PDPK1: variants seen among roughly 807,000 people sequenced by gnomAD.
The protein encoded by PDPK1 is 3-phosphoinositide dependent protein kinase 1, also known as 3-phosphoinositide-dependent protein kinase 1.
A neutral mutation model predicts 39.8 loss-of-function variants in PDPK1; 7 were observed. That is an observed-to-expected ratio of 0.18 (90% CI 0.10 to 0.33). The LOEUF (loss-of-function observed/expected upper bound fraction) is 0.33. PDPK1 is among the 10% of genes least tolerant of loss of function. PDPK1 has a pLI of 1.00. For synonymous variants in PDPK1, 118 were observed against 159.1 expected, an observed-to-expected ratio of 0.74 and a Z score of 1.95; for missense variants, 182 against 384.7, an observed-to-expected ratio of 0.47 and a Z score of 4.41.
intron 1 of PDPK1, among the ~76,000 whole-genome samples, chr16:2,544,006 A>C (rs963148413): frequency 2.0e-5 from 3 of 149,926 alleles, no homozygotes; most frequent in African/African-American, 7.4e-5. Flanking sequence ...AAGTGGTGGG[A>C]TTACAGGCGT....
At chr16:2,551,519 C>T (rs1477874068) in intron 1 of PDPK1, among the ~76,000 whole-genome samples, 3 of 151,030 alleles carry the variant, frequency 2.0e-5, no homozygotes. Context: ...CTCTACCTGT[C>T]GCACTGCATT....
intron 1 of PDPK1, among the ~76,000 whole-genome samples, chr16:2,556,300 T>C (rs2141958514): frequency 6.7e-6 from 1 of 149,334 alleles, no homozygotes; most frequent in South Asian, 2.1e-4. Flanking sequence ...TTGCCCAGGC[T>C]GGTCTTGAAC....
rs1215760620 is a variant in PDPK1, at chr16:2,538,106, G to A, written c.-7G>A. ...GCGGGGGAGGCGCCCGCGCCGACGC[G>A]GGGCCCATGGCCAGGACCACCAGCC... is the stretch of plus-strand genomic sequence containing the variant. On this transcript the variant is annotated 5_prime_UTR_variant, in exon 1 of 14. Coordinates refer to ENST00000342085, the MANE Select transcript of PDPK1 (RefSeq NM_002613.5). The A allele has an allele frequency of 7.5e-6, 8 of 1,062,310 alleles. No individual in the cohort carries two copies. Among genetic ancestry groups the A allele is most frequent in the South Asian group, 4.4e-5 (1 of 22,804 alleles). 65.8% of individuals were successfully genotyped at this position (1,062,310 alleles called of 1,614,324 possible).
Position 2,602,523 on chromosome 16 carries a change from A to G in PDPK1, c.*4756A>G. ...AGGCAGACCTTTTTTAAGCTGTGTA[A>G]CCCACATAGCCTAACCACCTGGCAG... On this transcript the variant is annotated 3_prime_UTR_variant, in exon 14 of 14. Transcript: ENST00000342085. The G allele has an allele frequency of 4.3e-6, 1 of 234,900 alleles. No homozygotes were observed. Among genetic ancestry groups the G allele is most frequent in the Non-Finnish European group, 8.5e-6 (1 of 118,086 alleles). The allele number at this position is 234,900 out of a possible 1,614,324, so 14.6% of individuals were successfully genotyped here.
intron 1 of PDPK1, among the ~76,000 whole-genome samples, chr16:2,550,341 C>T (rs1479095174): frequency 1.4e-4 from 15 of 108,970 alleles, no homozygotes; most frequent in Non-Finnish European, 1.8e-4. Context: ...TAAACTCACA[C>T]GTGCCCACCA....
chr16:2,538,622 C>G, intron 1 of PDPK1: 2 of 1,289,036 alleles, frequency 1.6e-6, no homozygotes, highest in Non-Finnish European at 2.0e-6. Context: ...TTTCCAGATT[C>G]TTGATGACAG....
In PDPK1 at chr16:2,538,045, GGAGGACGCT is replaced by G. The variant is rs2141927080; in HGVS notation, c.-62_-54del. On this transcript the variant is annotated 5_prime_UTR_variant, in exon 1 of 14. Transcript: ENST00000342085. Reference sequence around the variant, plus strand: ...CATTGCTGGGGCTCCGCTTCGGGGAGGAGGACGCTGAGGAGGCGCCGAGCCGCGCAGCGC... The same window carrying G: ...CATTGCTGGGGCTCCGCTTCGGGGAGGAGGAGGCGCCGAGCCGCGCAGCGC... 1.3e-6 allele frequency: 1 copy of G among 758,656 alleles called. No homozygotes were observed. Among genetic ancestry groups the G allele is most frequent in the East Asian group, 8.2e-5 (1 of 12,254 alleles). 47.0% of individuals were successfully genotyped at this position (758,656 alleles called of 1,614,324 possible). A position where few individuals can be genotyped will look rare whatever the true frequency, so the allele number is the denominator to read the frequency against.
intron 10 of PDPK1, among the ~76,000 whole-genome samples, chr16:2,585,290 C>T (rs551629194): frequency 6.6e-6 from 1 of 152,358 alleles, no homozygotes; most frequent in South Asian, 2.1e-4. Context: ...CCATCCTTAG[C>T]TCTGCACAGC....
rs1461355343 is a variant in PDPK1 at position 2,598,042 on chromosome 16, C to G, written c.*275C>G. On this transcript the variant is annotated 3_prime_UTR_variant, in exon 14 of 14. Transcript: ENST00000342085. ...CGTGTGCCCTCGTTGCCGTGGGGAC[C>G]CAGCTCCATGCACGTCAACCCAGTC... The G allele has an allele frequency of 4.0e-6, 2 of 500,660 alleles. No homozygotes were observed. The highest frequency in any genetic ancestry group is 3.4e-5 in the East Asian group (1 of 29,274). The allele number at this position is 500,660 out of a possible 1,614,324, so 31.0% of individuals were successfully genotyped here.
At position 2,601,878 on chromosome 16, in the gene PDPK1, G is replaced by A. The variant is rs2067224004; in HGVS notation, c.*4111G>A. On this transcript the variant is annotated 3_prime_UTR_variant, in exon 14 of 14. Coordinates refer to ENST00000342085, the MANE Select transcript of PDPK1 (RefSeq NM_002613.5). The stretch of plus-strand genomic sequence containing the variant: ...AGCAAGTCCAGACCACCCAAATTTG[G>A]TTGGATTCTTCATTTCTCCACTGTA... The A allele has an allele frequency of 4.3e-6, 1 of 232,106 alleles. No homozygotes were observed. Among genetic ancestry groups the A allele is most frequent in the Non-Finnish European group, 8.6e-6 (1 of 116,606 alleles). The allele number at this position is 232,106 out of a possible 1,614,324, so 14.4% of individuals were successfully genotyped here. A position where few individuals can be genotyped will look rare whatever the true frequency, so the allele number is the denominator to read the frequency against.
At chr16:2,586,559 G>T in intron 10 of PDPK1, 117 bp from the exon 11 acceptor site, 1 of 813,062 alleles carries the variant, frequency 1.2e-6, no homozygotes, top group South Asian at 1.6e-5. Context: ...CTGTCGCCTT[G>T]CGCCTTGCTG....
chr16:2,587,675 A>G (rs920894017), intron 11 of PDPK1, among the ~76,000 whole-genome samples: 1 of 152,078 alleles, frequency 6.6e-6, no homozygotes, highest in African/African-American at 2.4e-5. Flanking sequence ...CACCTGGTTA[A>G]TTTTTGTATT....
chr16:2,597,826 C>A lies in PDPK1; in HGVS notation c.*59C>A. Reference sequence around the variant, plus strand: ...GGACACCTGCCCCAGCGCGGCTTGGCCGCCATCCGGGACGCTTCCAGACCA... The same window carrying A: ...GGACACCTGCCCCAGCGCGGCTTGGACGCCATCCGGGACGCTTCCAGACCA... On this transcript the variant is annotated 3_prime_UTR_variant, in exon 14 of 14. Transcript: ENST00000342085. This position sits in a 1 kb window ranked among gnomAD's most constrained non-coding sequence, Gnocchi z 6.3. 2 of 1,219,698 alleles carry A rather than the reference C, an allele frequency of 1.6e-6. No individual in the cohort carries two copies. Among genetic ancestry groups the A allele is most frequent in the Admixed American group, 1.8e-5 (1 of 56,252 alleles). 75.6% of individuals were successfully genotyped at this position (1,219,698 alleles called of 1,614,324 possible). A position where few individuals can be genotyped will look rare whatever the true frequency, so the allele number is the denominator to read the frequency against.
rs2067192104 is a variant in PDPK1 at position 2,600,308 on chromosome 16, CATGGGCA to C, written c.*2543_*2549del. ...ACTTGGGGCCATGTGCCTCCCCACACATGGGCAAGGACAGGTGGAATGTCGGGACCAC... is the reference window on the plus strand; with the variant it reads ...ACTTGGGGCCATGTGCCTCCCCACACAGGACAGGTGGAATGTCGGGACCAC... On this transcript the variant is annotated 3_prime_UTR_variant, in exon 14 of 14. Transcript: ENST00000342085. The C allele has an allele frequency of 4.3e-6, 1 of 233,290 alleles. No homozygotes were observed. Among genetic ancestry groups the C allele is most frequent in the Non-Finnish European group, 8.5e-6 (1 of 118,116 alleles). The allele number at this position is 233,290 out of a possible 1,614,324, so 14.5% of individuals were successfully genotyped here. A position where few individuals can be genotyped will look rare whatever the true frequency, so the allele number is the denominator to read the frequency against.
In PDPK1 at chr16:2,586,677, A is replaced by T; in HGVS notation, c.1127A>T (p.Tyr376Phe). The change falls in exon 11 of 14, where the codon TAT becomes TTT. Residue 376 changes from tyrosine (Y) to phenylalanine (F), a missense_variant and splice_region_variant. Physicochemically the swap from Tyr to Phe is conservative, Grantham distance 22. This residue lies in a region of PDPK1 where 90 missense variants were observed against 111.9 expected (regional missense o/e 0.80). Transcript: ENST00000342085. Reference sequence around the variant, plus strand: ...CTCACTTTCCCTTCTTCTCTGCAGTATGACAATCTCCTGAGCCAGTTTGGC... The same window carrying T: ...CTCACTTTCCCTTCTTCTCTGCAGTTTGACAATCTCCTGAGCCAGTTTGGC... ...SEDDEDCYGN[Y>F]DNLLSQFGCM... 1 of 1,613,994 alleles carries T rather than the reference A, an allele frequency of 6.2e-7. No homozygotes were observed. The highest frequency in any genetic ancestry group is 8.5e-7 in the Non-Finnish European group (1 of 1,179,906).
intron 11 of PDPK1, 138 bp downstream of exon 11, chr16:2,587,031 G>GCA (rs1167788122): frequency 2.6e-6 from 2 of 764,746 alleles, no homozygotes; most frequent in African/African-American, 3.4e-5. Flanking sequence ...CATCGTAAGT[G>GCA]CACAGTTGGA....
chr16:2,552,258 CACTGCACCCTGCCTGGTT>C (rs2066428748), intron 1 of PDPK1, among the ~76,000 whole-genome samples: 1 of 150,172 alleles, frequency 6.7e-6, no homozygotes, highest in Admixed American at 6.7e-5. Context: ...AGGCATGAGC[CACTGCACCCTGCCTGGTT>C]TCTACTTCTA....
chr16:2,539,078 CTTTTTT>C (rs57517702), intron 1 of PDPK1: 37 of 146,282 alleles, frequency 2.5e-4, no homozygotes, highest in South Asian at 7.2e-4. Context: ...CAGGATGCGG[CTTTTTT>C]TTTTTTTTTT....
In PDPK1 at chr16:2,593,023, CT is replaced by C. The variant is rs775120713; in HGVS notation, c.1344-2761del. 4.4e-6 allele frequency: 2 copies of C among 455,464 alleles called. No homozygotes were observed. The highest frequency in any genetic ancestry group is 3.1e-5 in the South Asian group (2 of 64,462). 28.2% of individuals were successfully genotyped at this position (455,464 alleles called of 1,614,324 possible). On this transcript the variant is annotated intron_variant, in intron 11 of 13. Transcript: ENST00000342085. This position sits in a 1 kb window ranked among gnomAD's most constrained non-coding sequence, Gnocchi z 4.2. Reference sequence around the variant, plus strand: ...TGCCTCTGGGCTCCTTGCCTGTGGCCTTTTTTTTTCTCAGGATGGATTTCTG... The same window carrying C: ...TGCCTCTGGGCTCCTTGCCTGTGGCCTTTTTTTTCTCAGGATGGATTTCTG...
Sources: allele counts gnomAD v4.1 joint callset (sites outside exome capture counted in the v4.1 genomes callset), GRCh38; gene constraint gnomAD v4.1.1; regional missense constraint gnomAD v4.1.1; non-coding constraint Gnocchi (gnomAD v3.1); transcripts MANE v1.5; gene names NCBI Gene and HGNC (gene_info 2026-07-23, HGNC 2026-07-21).